The following FAM53A variants were observed in gnomAD, a reference collection of about 807,000 sequenced individuals.
FAM53A encodes the protein protein FAM53A.
In FAM53A, 28 loss-of-function variants were observed where a neutral mutation model predicts 26.6. That is an observed-to-expected ratio of 1.05 (90% CI 0.78 to 1.45). The LOEUF (loss-of-function observed/expected upper bound fraction) is 1.45, where lower values mean the gene tolerates loss of function less well. Ranked by LOEUF, FAM53A falls within the 40% of genes most tolerant of loss-of-function variation. The pLI is 0.00. For synonymous variants in FAM53A, 290 were observed against 253.1 expected (o/e 1.15, Z -1.38); for missense variants, 650 against 575.8 (o/e 1.13, Z -1.32).
At chr4:1,639,039 G>A (rs1867927), downstream of FAM53A, among the ~76,000 whole-genome samples, 9,769 of 152,228 alleles carry the variant, frequency 0.064, 390 homozygotes, top group Middle Eastern at 0.16. Context: ...CAGCCACAGC[G>A]ACACACCCTG....
chr4:1,676,417 TC>T (rs1474347924), intron 1 of FAM53A, among the ~76,000 whole-genome samples: 2 of 152,134 alleles, frequency 1.3e-5, no homozygotes, highest in Non-Finnish European at 1.5e-5. Context: ...CAACCCTATT[TC>T]CAAGTAAGTG....
intron 4 of FAM53A, among the ~76,000 whole-genome samples, chr4:1,643,964 T>C (rs141132733): frequency 2.2e-3 from 334 of 152,328 alleles, no homozygotes; most frequent in African/African-American, 7.7e-3. Flanking sequence ...AATTTGCCCA[T>C]GGACATCACT....
the FAM53A span, among the ~76,000 whole-genome samples, chr4:1,602,305 C>G: frequency 1.3e-5 from 2 of 152,200 alleles, no homozygotes; most frequent in Non-Finnish European, 2.9e-5. Context: ...TAGGTGGCTG[C>G]AGGGGCAGGG....
At chr4:1,597,821 C>T in the FAM53A span, among the ~76,000 whole-genome samples, 6 of 152,356 alleles carry the variant, frequency 3.9e-5, no homozygotes, top group African/African-American at 1.2e-4. Context: ...CATGGTGAAA[C>T]GCCATCTCTA....
chr4:1,600,651 C>CTTTTCT, the FAM53A span, among the ~76,000 whole-genome samples: 3 of 152,220 alleles, frequency 2.0e-5, no homozygotes, highest in Non-Finnish European at 4.4e-5. Flanking sequence ...CTGACCACTT[C>CTTTTCT]TTTTCTTTTT....
chr4:1,648,314 G>A (rs1712426956), intron 4 of FAM53A, among the ~76,000 whole-genome samples: 1 of 152,224 alleles, frequency 6.6e-6, no homozygotes, highest in Non-Finnish European at 1.5e-5. Flanking sequence ...GGCAGGGGTA[G>A]GTGGGTGTGG....
At position 1,668,888 on chromosome 4, in the gene FAM53A, GC is replaced by G; in HGVS notation, c.-148del. ...ACAGATGAGCAGTCCACGCCCACGGGCTCTTCAGGATTTGTGCCTGTTTCTC... is the reference window on the plus strand; with the variant it reads ...ACAGATGAGCAGTCCACGCCCACGGGTCTTCAGGATTTGTGCCTGTTTCTC... On this transcript the variant is annotated 5_prime_UTR_variant, in exon 2 of 5. Coordinates refer to ENST00000308132, the MANE Select transcript of FAM53A (RefSeq NM_001174070.3). The G allele has an allele frequency of 1.6e-6, 1 of 632,888 alleles. No homozygotes were observed. Among genetic ancestry groups the G allele is most frequent in the African/African-American group, 1.8e-5 (1 of 54,092 alleles). 39.2% of individuals were successfully genotyped at this position (632,888 alleles called of 1,614,324 possible). A position where few individuals can be genotyped will look rare whatever the true frequency, so the allele number is the denominator to read the frequency against.
At chr4:1,584,654 G>T in the FAM53A span, among the ~76,000 whole-genome samples, 1 of 152,208 alleles carries the variant, frequency 6.6e-6, no homozygotes, top group Non-Finnish European at 1.5e-5. Context: ...GGCAATGGAG[G>T]CTGGCTGTCA....
chr4:1,597,877 T>C, the FAM53A span, among the ~76,000 whole-genome samples: 1 of 152,210 alleles, frequency 6.6e-6, no homozygotes, highest in African/African-American at 2.4e-5. Context: ...GCGCCTGTAA[T>C]CCCAGCTACT....
chr4:1,586,726 T>C, the FAM53A span, among the ~76,000 whole-genome samples: 1 of 140,736 alleles, frequency 7.1e-6, no homozygotes, highest in African/African-American at 2.7e-5. Context: ...GAGCTTTCAG[T>C]GAGCCAAGAT....
chr4:1,626,834 C>A (rs1384042414), intron 1 of FAM53A, among the ~76,000 whole-genome samples: 4 of 152,176 alleles, frequency 2.6e-5, no homozygotes, highest in Non-Finnish European at 4.4e-5. Flanking sequence ...CACAAACCCA[C>A]CCACTGTTCA....
chr4:1,636,635 G>A (rs1560125021), downstream of FAM53A, among the ~76,000 whole-genome samples: 1 of 152,346 alleles, frequency 6.6e-6, no homozygotes, highest in East Asian at 1.9e-4. Flanking sequence ...CACTTCCCCA[G>A]ATCCCATGCC....
chr4:1,639,849 T>TG (rs1176557858), downstream of FAM53A: 4 of 152,244 alleles, frequency 2.6e-5, no homozygotes, highest in African/African-American at 4.8e-5. Flanking sequence ...TGAATTGTAT[T>TG]GAGAAAAAAA....
At chr4:1,599,097 G>A in the FAM53A span, among the ~76,000 whole-genome samples, 1 of 152,124 alleles carries the variant, frequency 6.6e-6, no homozygotes, top group African/African-American at 2.4e-5. The surrounding 1 kb of genome is among the most constrained non-coding windows in gnomAD (Gnocchi z 6.1). Context: ...CCGGAGCGCA[G>A]GGCCGTCGGC....
At chr4:1,656,297 T>C (rs1166944990) in intron 3 of FAM53A, among the ~76,000 whole-genome samples, 5 of 152,144 alleles carry the variant, frequency 3.3e-5, no homozygotes, top group Admixed American at 3.3e-4. Flanking sequence ...TGTCCTGGGG[T>C]TGCCTGTCTA....
the FAM53A span, among the ~76,000 whole-genome samples, chr4:1,583,690 C>T: frequency 6.6e-6 from 1 of 152,244 alleles, no homozygotes; most frequent in Non-Finnish European, 1.5e-5. Flanking sequence ...ACCTGTCCCT[C>T]CTCCCGGGGC....
At chr4:1,633,704 C>T (rs904323446) in intron 1 of FAM53A, among the ~76,000 whole-genome samples, 5 of 151,960 alleles carry the variant, frequency 3.3e-5, no homozygotes, top group Non-Finnish European at 5.9e-5. Context: ...ATCAACAGAG[C>T]GGGGAAGCAA....
At chr4:1,606,186 C>T in the FAM53A span, among the ~76,000 whole-genome samples, 1 of 151,918 alleles carries the variant, frequency 6.6e-6, no homozygotes, top group East Asian at 1.9e-4. Flanking sequence ...CTACAGGCGC[C>T]TGCCACCACA....
intron 1 of FAM53A, among the ~76,000 whole-genome samples, chr4:1,674,705 C>A (rs566732459): frequency 2.0e-5 from 3 of 152,112 alleles, no homozygotes; most frequent in African/African-American, 4.8e-5. Context: ...TCTGCAAAGA[C>A]CCTATTTCTA....
Sources: allele counts gnomAD v4.1 joint callset (sites outside exome capture counted in the v4.1 genomes callset), GRCh38; gene constraint gnomAD v4.1.1; non-coding constraint Gnocchi (gnomAD v3.1); transcripts MANE v1.5; gene names NCBI Gene and HGNC (gene_info 2026-07-23, HGNC 2026-07-21).